ZMAT4: variants seen among roughly 807,000 people sequenced by gnomAD.
ZMAT4 encodes the protein zinc finger matrin-type 4, also known as zinc finger matrin-type protein 4.
ZMAT4 carries 17 observed loss-of-function variants against 28.7 expected under a neutral mutation model. The ratio of observed to expected loss-of-function variants is 0.59; its 90% confidence interval spans 0.41 to 0.89. The LOEUF (loss-of-function observed/expected upper bound fraction) is 0.89. ZMAT4 is among the 40% of genes least tolerant of loss of function. The probability of loss-of-function intolerance (pLI) is 0.00; values close to 1 mark genes in which losing one functional copy is unlikely to be tolerated. For synonymous variants in ZMAT4, 117 were observed against 109.2 expected (o/e 1.07, Z -0.44); for missense variants, 240 against 283.8 (o/e 0.85, Z 1.11).
At chr8:40,818,415 T>G (rs1221069820) in intron 2 of ZMAT4, among the ~76,000 whole-genome samples, 1 of 152,188 alleles carries the variant, frequency 6.6e-6, no homozygotes, top group African/African-American at 2.4e-5. Flanking sequence ...ATGGAATAAT[T>G]GTATTTATCA....
intron 1 of ZMAT4, among the ~76,000 whole-genome samples, chr8:40,855,758 C>T (rs2150639592): frequency 6.6e-6 from 1 of 152,064 alleles, no homozygotes; most frequent in South Asian, 2.1e-4. Context: ...TCACTGCAGC[C>T]TCAACTTCCT....
At chr8:40,650,856 A>C (rs987227660) in intron 5 of ZMAT4, among the ~76,000 whole-genome samples, 1 of 151,996 alleles carries the variant, frequency 6.6e-6, no homozygotes, top group African/African-American at 2.4e-5. Context: ...TGCAGAAAAA[A>C]CCTTTGACAA....
chr8:40,536,444 T>C lies in ZMAT4; in HGVS notation c.675-4206A>G, dbSNP rs1031165684. Among the ~76,000 whole-genome samples the C allele has an allele frequency of 2.0e-5, 3 of 152,234 alleles. 1 individual carries two copies. The highest frequency in any genetic ancestry group is 4.4e-5 in the Non-Finnish European group (3 of 68,044). On this transcript the variant is annotated intron_variant, in intron 6 of 6. Transcript: ENST00000297737. ...GCCTCACTGGGTTCCCAGCACCTTC[T>C]GAGAAAATAAAAATGTCTTAATATG...
intron 3 of ZMAT4, among the ~76,000 whole-genome samples, chr8:40,732,509 G>A (rs1032914382): frequency 1.3e-5 from 2 of 152,238 alleles, no homozygotes; most frequent in African/African-American, 4.8e-5. Context: ...AAGCCATTGG[G>A]CTGGATTCAT....
chr8:40,733,318 T>C (rs997153887), intron 3 of ZMAT4, among the ~76,000 whole-genome samples: 6 of 152,176 alleles, frequency 3.9e-5, no homozygotes, highest in African/African-American at 1.2e-4. Context: ...AAAAATCTGG[T>C]ATATTTCATT....
intron 5 of ZMAT4, among the ~76,000 whole-genome samples, chr8:40,632,002 T>G (rs1010536013): frequency 1.3e-5 from 2 of 152,216 alleles, no homozygotes; most frequent in East Asian, 3.8e-4. Flanking sequence ...TGGAGCTAGG[T>G]TTCTGCTCAA....
intron 1 of ZMAT4, among the ~76,000 whole-genome samples, chr8:40,841,984 G>C (rs375944909): frequency 7.9e-5 from 12 of 152,196 alleles, no homozygotes; most frequent in African/African-American, 1.9e-4. Context: ...CCAGTGTCTA[G>C]AGCCAAGGGA....
At chr8:40,739,452 A>G (rs1038112969) in intron 3 of ZMAT4, among the ~76,000 whole-genome samples, 2 of 152,174 alleles carry the variant, frequency 1.3e-5, no homozygotes, top group African/African-American at 4.8e-5. Flanking sequence ...TAAAGTGTGT[A>G]AGACACTGAT....
At chr8:40,745,791 C>T (rs1240895747) in intron 3 of ZMAT4, among the ~76,000 whole-genome samples, 1 of 152,134 alleles carries the variant, frequency 6.6e-6, no homozygotes, top group Non-Finnish European at 1.5e-5. Context: ...AAAATAGGGA[C>T]ATTTGGTGTT....
chr8:40,826,170 G>A (rs920338389), intron 1 of ZMAT4, among the ~76,000 whole-genome samples: 5 of 152,198 alleles, frequency 3.3e-5, no homozygotes, highest in Non-Finnish European at 7.3e-5. Context: ...TTAATTAAAT[G>A]TTGTAAGCAC....
intron 1 of ZMAT4, among the ~76,000 whole-genome samples, chr8:40,892,037 G>A (rs978160638): frequency 2.6e-5 from 4 of 152,090 alleles, no homozygotes; most frequent in African/African-American, 7.2e-5. Context: ...CTTTGGGTCC[G>A]GAGCTAGGCC....
intron 5 of ZMAT4, among the ~76,000 whole-genome samples, chr8:40,620,829 T>A (rs1806171737): frequency 6.6e-6 from 1 of 152,220 alleles, no homozygotes; most frequent in African/African-American, 2.4e-5. Flanking sequence ...TATATTTTAG[T>A]GGCATTCTCA....
At chr8:40,855,173 T>G (rs535538966) in intron 1 of ZMAT4, among the ~76,000 whole-genome samples, 2 of 152,292 alleles carry the variant, frequency 1.3e-5, no homozygotes, top group South Asian at 4.1e-4. Flanking sequence ...CCCACTTAAC[T>G]TAGGCTCTTT....
At chr8:40,893,095 G>A (rs1468836026) in intron 1 of ZMAT4, among the ~76,000 whole-genome samples, 1 of 152,200 alleles carries the variant, frequency 6.6e-6, no homozygotes, top group Non-Finnish European at 1.5e-5. Flanking sequence ...GCTGGAGATG[G>A]AGAACAGCTG....
intron 1 of ZMAT4, among the ~76,000 whole-genome samples, chr8:40,838,413 G>A (rs1816576307): frequency 6.6e-6 from 1 of 152,104 alleles, no homozygotes; most frequent in Admixed American, 6.6e-5. Flanking sequence ...CATGATCATG[G>A]CTCACTGTAG....
intron 5 of ZMAT4, among the ~76,000 whole-genome samples, chr8:40,668,057 A>G (rs1808503761): frequency 6.6e-6 from 1 of 152,178 alleles, no homozygotes; most frequent in African/African-American, 2.4e-5. Flanking sequence ...TTAAAGCAAA[A>G]GGAAGGTGAA....
At chr8:40,583,050 TAG>T (rs1804546484) in intron 5 of ZMAT4, among the ~76,000 whole-genome samples, 1 of 152,074 alleles carries the variant, frequency 6.6e-6, no homozygotes, top group Non-Finnish European at 1.5e-5. Context: ...AAGAAATGGG[TAG>T]AGACTTTCTT....
At chr8:40,583,627 G>T (rs1804565474) in intron 5 of ZMAT4, among the ~76,000 whole-genome samples, 1 of 152,158 alleles carries the variant, frequency 6.6e-6, no homozygotes, top group Non-Finnish European at 1.5e-5. Flanking sequence ...CCAAATTTAA[G>T]CACGCATCTC....
At chr8:40,685,752 G>A (rs572644845) in intron 4 of ZMAT4, among the ~76,000 whole-genome samples, 2 of 152,038 alleles carry the variant, frequency 1.3e-5, no homozygotes, top group East Asian at 3.9e-4. Flanking sequence ...CCCCAACCTC[G>A]ACCACAGGAT....
Sources: gnomAD v4.1 joint callset for allele counts (sites outside exome capture counted in the v4.1 genomes callset) on GRCh38, gnomAD v4.1.1 for gene constraint, MANE v1.5 for transcripts, NCBI Gene and HGNC (gene_info 2026-07-23, HGNC 2026-07-21) for gene names.